Variants in AUTS2 observed in about 807,000 individuals in gnomAD.
The protein encoded by AUTS2 is activator of transcription and developmental regulator AUTS2.
A neutral mutation model predicts 112.4 loss-of-function variants in AUTS2; 17 were observed. The ratio of observed to expected loss-of-function variants is 0.15; its 90% CI spans 0.10 to 0.23. AUTS2 has a LOEUF of 0.23. AUTS2 is among the 10% of genes least tolerant of loss of function. The pLI is 1.00. For missense variants in AUTS2, 1,510 were observed against 1,701.6 expected (o/e 0.89, Z 1.98); for synonymous variants, 751 against 702.7 (o/e 1.07, Z -1.09).
intron 2 of AUTS2, among the ~76,000 whole-genome samples, chr7:70,088,365 G>T (rs1253450783): frequency 6.6e-6 from 1 of 151,884 alleles, no homozygotes; most frequent in Non-Finnish European, 1.5e-5. Context: ...CTGACCTCGT[G>T]ATCTTCCCGC....
intron 1 of AUTS2, among the ~76,000 whole-genome samples, chr7:69,601,010 G>A (rs1792374849): frequency 6.6e-6 from 1 of 151,904 alleles, no homozygotes; most frequent in Admixed American, 6.6e-5. Flanking sequence ...GGAGGGAGGG[G>A]GAGACTGTCC....
intron 1 of AUTS2, among the ~76,000 whole-genome samples, chr7:69,701,863 G>T (rs1338259235): frequency 6.6e-6 from 1 of 152,172 alleles, no homozygotes; most frequent in Non-Finnish European, 1.5e-5. Context: ...TTGAGTCCAG[G>T]TCTCCTGACT....
intron 6 of AUTS2, among the ~76,000 whole-genome samples, chr7:70,711,821 C>T (rs1013226008): frequency 2.0e-5 from 3 of 152,280 alleles, no homozygotes; most frequent in East Asian, 1.9e-4. Flanking sequence ...GGCCAGACTT[C>T]GGAGAGGGGT....
At chr7:70,699,273 A>G (rs1475962192) in intron 6 of AUTS2, 6 of 152,200 alleles carry the variant, frequency 3.9e-5, no homozygotes, top group Non-Finnish European at 5.9e-5. Flanking sequence ...GTCTGTAATC[A>G]CTGGCTCTGA....
chr7:70,540,738 T>A (rs1697845542), intron 5 of AUTS2, among the ~76,000 whole-genome samples: 1 of 152,244 alleles, frequency 6.6e-6, no homozygotes, highest in African/African-American at 2.4e-5. Flanking sequence ...TCCTGCAAAA[T>A]CCTGACTGGT....
At chr7:70,407,882 G>A (rs887428010) in intron 4 of AUTS2, among the ~76,000 whole-genome samples, 2 of 151,842 alleles carry the variant, frequency 1.3e-5, no homozygotes, top group Admixed American at 6.6e-5. Flanking sequence ...GTGAAACCCC[G>A]TCTCTACTAA....
In AUTS2 at chr7:70,107,585, G is replaced by A. The variant is rs532845430; in HGVS notation, c.523-10547G>A. On this transcript the variant is annotated intron_variant, in intron 2 of 18. Transcript: ENST00000342771. ...TCTCAATCTCCTGACCTCGTGATCC[G>A]CCCATCTCGGCCTCCCAAAGTGCTG... 1.9e-3 allele frequency among the ~76,000 whole-genome samples: 277 copies of A among 149,112 alleles called. 1 individual carries two copies. The highest frequency in any genetic ancestry group is 6.6e-3 in the African/African-American group (267 of 40,684).
chr7:69,770,289 C>T (rs1788605120), intron 1 of AUTS2, among the ~76,000 whole-genome samples: 1 of 152,306 alleles, frequency 6.6e-6, no homozygotes, highest in Admixed American at 6.5e-5. Context: ...GACCATAGAA[C>T]TTTGTGTGGA....
intron 5 of AUTS2, among the ~76,000 whole-genome samples, chr7:70,576,461 T>C (rs1307419193): frequency 6.6e-6 from 1 of 152,180 alleles, no homozygotes; most frequent in African/African-American, 2.4e-5. Flanking sequence ...CATTTTGGGG[T>C]TGATGTTGTG....
intron 2 of AUTS2, among the ~76,000 whole-genome samples, chr7:70,056,731 T>C (rs6973440): frequency 0.029 from 4,460 of 152,218 alleles, 249 homozygotes; most frequent in African/African-American, 0.1. Flanking sequence ...TTGGCAACTG[T>C]GTGAGGTGAC....
At chr7:70,725,884 G>A (rs1187161575) in intron 6 of AUTS2, among the ~76,000 whole-genome samples, 22 of 151,974 alleles carry the variant, frequency 1.4e-4, no homozygotes, top group Admixed American at 1.4e-3. Context: ...AGACCAGCGT[G>A]GGTGGTGGGC....
chr7:70,078,726 G>T (rs946906807), intron 2 of AUTS2, among the ~76,000 whole-genome samples: 4 of 152,186 alleles, frequency 2.6e-5, no homozygotes, highest in African/African-American at 9.6e-5. Context: ...GTGGGGGAGA[G>T]GGGAAGGAAG....
chr7:70,749,365 G>A (rs1400397446), intron 6 of AUTS2, among the ~76,000 whole-genome samples: 1 of 152,052 alleles, frequency 6.6e-6, no homozygotes, highest in African/African-American at 2.4e-5. Flanking sequence ...CACGGGGAGG[G>A]GGGTCCGCGA....
At chr7:69,870,658 G>A (rs943282325) in intron 1 of AUTS2, among the ~76,000 whole-genome samples, 1 of 151,622 alleles carries the variant, frequency 6.6e-6, no homozygotes, top group African/African-American at 2.4e-5. Context: ...TTTACTACAC[G>A]ACAGGTTAAC....
intron 1 of AUTS2, among the ~76,000 whole-genome samples, chr7:69,852,136 T>C (rs1442038361): frequency 6.6e-6 from 1 of 152,170 alleles, no homozygotes; most frequent in Non-Finnish European, 1.5e-5. Context: ...TCTTTGAAGC[T>C]GAGGAAATTC....
At chr7:70,542,925 TAGTA>T (rs1262871427) in intron 5 of AUTS2, among the ~76,000 whole-genome samples, 1 of 152,156 alleles carries the variant, frequency 6.6e-6, no homozygotes, top group East Asian at 1.9e-4. Context: ...AGGATATAAA[TAGTA>T]AGTGAAAAAA....
chr7:70,658,256 T>G (rs1288498598), intron 5 of AUTS2, among the ~76,000 whole-genome samples: 1 of 152,176 alleles, frequency 6.6e-6, no homozygotes, highest in Non-Finnish European at 1.5e-5. Context: ...CTGAGGATGA[T>G]TATGCTGATC....
chr7:70,523,759 G>T (rs529365859), intron 5 of AUTS2, among the ~76,000 whole-genome samples: 1 of 152,132 alleles, frequency 6.6e-6, no homozygotes, highest in African/African-American at 2.4e-5. Context: ...ACAACGCACC[G>T]TGCCCCACAG....
At chr7:70,648,536 C>T (rs1026217212) in intron 5 of AUTS2, among the ~76,000 whole-genome samples, 4 of 152,010 alleles carry the variant, frequency 2.6e-5, no homozygotes, top group African/African-American at 7.3e-5. Context: ...TGTAGAAACA[C>T]GATATAAAAA....
Sources: gnomAD v4.1 joint callset for allele counts (sites outside exome capture counted in the v4.1 genomes callset) on GRCh38, gnomAD v4.1.1 for gene constraint, MANE v1.5 for transcripts, NCBI Gene and HGNC (gene_info 2026-07-23, HGNC 2026-07-21) for gene names.